Variants in ZNF586 observed in about 807,000 individuals in gnomAD.
ZNF586 encodes zinc finger protein 586.
ZNF586 carries 7 observed loss-of-function variants against 6.7 expected under a neutral mutation model. The ratio of observed to expected loss-of-function variants is 1.04; its 90% CI spans 0.59 to 1.95. ZNF586 has a LOEUF of 1.95. Ranked by LOEUF, ZNF586 falls within the 30% of genes most tolerant of loss-of-function variation. ZNF586 has a pLI of 0.00. For synonymous variants in ZNF586, 166 were observed against 168.7 expected (o/e 0.98, Z 0.12); for missense variants, 442 against 489.6 (o/e 0.90, Z 0.92).
In ZNF586 at chr19:57,778,974, A is replaced by G; in HGVS notation, c.387A>G (p.Lys129=). 1 of 1,614,078 alleles carries G rather than the reference A, an allele frequency of 6.2e-7. No homozygotes were observed. The highest frequency in any genetic ancestry group is 8.5e-7 in the Non-Finnish European group (1 of 1,180,028). The change falls in exon 3 of 3, where the codon AAA becomes AAG. Residue 129 remains lysine, a synonymous_variant. Coordinates refer to ENST00000396154, the MANE Select transcript of ZNF586 (RefSeq NM_017652.4). ...CTTATGAGTGCAGCAAATATGGGAA[A>G]TTATTTCACCAAAAGCCTACACTCC... ...ERPYECSKYG[K]LFHQKPTLHI... is the part of the protein sequence containing the mutation.
In ZNF586 at chr19:57,779,150, C is replaced by T; in HGVS notation, c.563C>T (p.Ala188Val). 1 of 1,612,370 alleles carries T rather than the reference C, an allele frequency of 6.2e-7. No homozygotes were observed. The highest frequency in any genetic ancestry group is 8.5e-7 in the Non-Finnish European group (1 of 1,179,620). ...TGTATTGAATGTGGGAAAGCCTTTG[C>T]TGAAAAGTCCAGTCTCATTAACCAC... ...YECIECGKAF[A>V]EKSSLINHRK... is the part of the protein sequence containing the mutation. Residue 188 changes from alanine (A) to valine (V), a missense_variant, in exon 3 of 3, where the codon GCT becomes GTT. Physicochemically the swap from Ala to Val is moderately conservative, Grantham distance 64 (BLOSUM62 0). Transcript: ENST00000396154.
chr19:57,771,604 G>A (rs895118718), intron 1 of ZNF586, among the ~76,000 whole-genome samples: 27 of 152,164 alleles, frequency 1.8e-4, no homozygotes, highest in African/African-American at 6.3e-4. Flanking sequence ...ATACTGGGGT[G>A]TGCAAATACT....
intron 1 of ZNF586, among the ~76,000 whole-genome samples, chr19:57,770,808 G>A (rs1020951839): frequency 6.6e-6 from 1 of 151,908 alleles, no homozygotes; most frequent in Non-Finnish European, 1.5e-5. Flanking sequence ...GGATGCTCTA[G>A]TCCTTCACTG....
rs764388902 is a variant in ZNF586, at chr19:57,779,380, GTT to G, written c.794_795del (p.Val265GlyfsTer21). 1 of 1,597,150 alleles carries G rather than the reference GTT, an allele frequency of 6.3e-7. No individual in the cohort carries two copies. The highest frequency in any genetic ancestry group is 8.5e-7 in the Non-Finnish European group (1 of 1,174,516). ...VHTGERPYEC[V>X]ECGKSFRRSS... Reference sequence around the variant, plus strand: ...CACAGGAGAAAGGCCTTATGAATGCGTTGAGTGTGGAAAATCATTTCGCCGAA... The same window carrying G: ...CACAGGAGAAAGGCCTTATGAATGCGGAGTGTGGAAAATCATTTCGCCGAA... On this transcript the variant is annotated frameshift_variant, in exon 3 of 3. Transcript: ENST00000396154. LOFTEE classifies it low-confidence loss of function (END_TRUNC).
chr19:57,769,868 C>A lies in ZNF586; in HGVS notation c.26C>A (p.Ala9Glu). ...ATGGCGGCAGCAGCCGCTCTGAGGG[C>A]GCCTGCTCAGGTGAGCGCTGCGACC... MAAAAALR[A>E]PAQSSVTFED... Residue 9 changes from alanine (A) to glutamate (E), a missense_variant, in exon 1 of 3, where the codon GCG (alanine) becomes GAG (glutamate). Ala to Glu is a moderately radical substitution (Grantham distance 107). Transcript: ENST00000396154. 1.3e-6 allele frequency: 2 copies of A among 1,543,280 alleles called. No homozygotes were observed. Among genetic ancestry groups the A allele is most frequent in the East Asian group, 5.0e-5 (2 of 40,146 alleles).
At chr19:57,778,606 C>T (rs911119476) in intron 2 of ZNF586, 145 bp from the exon 3 acceptor site, 40 of 668,394 alleles carry the variant, frequency 6.0e-5, no homozygotes, top group Non-Finnish European at 8.3e-5. Context: ...TAATGCTAAG[C>T]AGCCCCAACC....
chr19:57,778,978 T>C lies in ZNF586; in HGVS notation c.391T>C (p.Phe131Leu), dbSNP rs370524318. The C allele has an allele frequency of 9.9e-6, 16 of 1,614,090 alleles. No homozygotes were observed. The African/African-American group carries it at 2.1e-4, about 22-fold the overall frequency. Residue 131 changes from phenylalanine (F) to leucine (L), a missense_variant, in exon 3 of 3, where the codon TTT becomes CTT. Coordinates refer to ENST00000396154, the MANE Select transcript of ZNF586 (RefSeq NM_017652.4). ...PYECSKYGKLFHQKPTLHIHE... is the reference protein window; with the variant it reads ...PYECSKYGKLLHQKPTLHIHE... ...TGAGTGCAGCAAATATGGGAAATTA[T>C]TTCACCAAAAGCCTACACTCCATAT...
chr19:57,770,411 C>G (rs968285569), intron 1 of ZNF586, among the ~76,000 whole-genome samples: 1 of 152,128 alleles, frequency 6.6e-6, no homozygotes, highest in Non-Finnish European at 1.5e-5. Context: ...AGGCGTGAGC[C>G]ACCGCGCCTG....
intron 1 of ZNF586, chr19:57,774,685 CAG>C: frequency 1.1e-6 from 1 of 926,532 alleles, no homozygotes; most frequent in Middle Eastern, 5.5e-4. Context: ...TGGAGGGCGT[CAG>C]AATGATTTGG....
chr19:57,769,962 C>A (rs1193804997), intron 1 of ZNF586, 84 bp downstream of exon 1: 1 of 1,258,680 alleles, frequency 7.9e-7, no homozygotes, highest in Non-Finnish European at 1.1e-6. Flanking sequence ...CTCCTCGCGT[C>A]CCTGCAGCCC....
At position 57,780,013 on chromosome 19, in the gene ZNF586, T is replaced by A. The variant is rs1485300945; in HGVS notation, c.*217T>A. 1.9e-6 allele frequency: 1 copy of A among 538,478 alleles called. No individual in the cohort carries two copies. The highest frequency in any genetic ancestry group is 3.2e-6 in the Non-Finnish European group (1 of 308,558). 33.4% of individuals were successfully genotyped at this position (538,478 alleles called of 1,614,324 possible). A position where few individuals can be genotyped will look rare whatever the true frequency, so the allele number is the denominator to read the frequency against. On this transcript the variant is annotated 3_prime_UTR_variant, in exon 3 of 3. Coordinates refer to ENST00000396154, the MANE Select transcript of ZNF586 (RefSeq NM_017652.4). ...CCCTCTCTCATTGGTTACCACAATA[T>A]TTACATGAGGAAAATACCACAGATG...
At chr19:57,778,604 A>T (rs944615652) in intron 2 of ZNF586, 147 bp from the exon 3 acceptor site, 2 of 665,876 alleles carry the variant, frequency 3.0e-6, no homozygotes, top group Non-Finnish European at 5.0e-6. Flanking sequence ...GATAATGCTA[A>T]GCAGCCCCAA....
At position 57,779,462 on chromosome 19, in the gene ZNF586, G is replaced by A. The variant is rs758065687; in HGVS notation, c.875G>A (p.Cys292Tyr). 3.1e-6 allele frequency: 5 copies of A among 1,614,138 alleles called. No homozygotes were observed. In the South Asian group the frequency reaches 5.5e-5, roughly 18 times the overall value. The change falls in exon 3 of 3, where the codon TGT (cysteine) becomes TAT (tyrosine). Residue 292 changes from cysteine to tyrosine, a missense_variant. Cys to Tyr is a radical substitution (Grantham distance 194). Transcript: ENST00000396154. The part of the protein sequence containing the change: ...RVHTRERPYE[C>Y]SECGKSFSLR... ...CACACTAGAGAAAGGCCTTATGAAT[G>A]TAGTGAATGTGGGAAATCCTTTAGC...
rs1264822084 is a variant in ZNF586, at chr19:57,778,765, G to A, written c.178G>A (p.Gly60Arg). ...LISSLGCWHG[G>R]EDEAAPSKQS... Reference sequence around the variant, plus strand: ...TTTGCTTTTAGGTTGTTGGCATGGAGGGGAAGATGAGGCAGCACCTTCTAA... The same window carrying A: ...TTTGCTTTTAGGTTGTTGGCATGGAAGGGAAGATGAGGCAGCACCTTCTAA... The change falls in exon 3 of 3, where the codon GGG (glycine) becomes AGG (arginine). Residue 60 changes from glycine (G) to arginine (R), a missense_variant. Transcript: ENST00000396154. The A allele has an allele frequency of 6.2e-7, 1 of 1,605,242 alleles. No individual in the cohort carries two copies. The highest frequency in any genetic ancestry group is 1.3e-5 in the African/African-American group (1 of 74,640).
At chr19:57,771,620 A>C (rs749468092) in intron 1 of ZNF586, among the ~76,000 whole-genome samples, 4 of 152,172 alleles carry the variant, frequency 2.6e-5, no homozygotes, top group Admixed American at 1.3e-4. Context: ...ATACTTACTT[A>C]GAAGTGAAAC....
chr19:57,771,335 G>C (rs1158151728), intron 1 of ZNF586, among the ~76,000 whole-genome samples: 1 of 150,240 alleles, frequency 6.7e-6, no homozygotes, highest in African/African-American at 2.4e-5. Flanking sequence ...GAGAGATGGG[G>C]TTTCGCCATG....
chr19:57,777,339 G>T (rs1259447458), intron 2 of ZNF586, among the ~76,000 whole-genome samples: 1 of 152,082 alleles, frequency 6.6e-6, no homozygotes, highest in Non-Finnish European at 1.5e-5. Context: ...ACATTATCGA[G>T]TTTCCATGTA....
intron 2 of ZNF586, among the ~76,000 whole-genome samples, chr19:57,777,927 T>G (rs1347323161): frequency 1.3e-5 from 2 of 150,658 alleles, no homozygotes; most frequent in East Asian, 2.0e-4. Flanking sequence ...GGCTAATTTT[T>G]GGGGTATTTT....
At position 57,776,774 on chromosome 19, in the gene ZNF586, G is replaced by T; in HGVS notation, c.163+105G>T. On this transcript the variant is annotated intron_variant, in intron 2 of 2. Coordinates refer to ENST00000396154, the MANE Select transcript of ZNF586 (RefSeq NM_017652.4). ...ACCATGGACACAGCTTCATTCTCCA[G>T]TTCTCTGGAGAGGTTCTGTTGTTGG... The T allele has an allele frequency of 2.3e-6, 3 of 1,332,600 alleles. No individual in the cohort carries two copies. The Admixed American group carries it at 7.1e-5, about 32-fold the overall frequency. The allele number at this position is 1,332,600 out of a possible 1,614,324, so 82.5% of individuals were successfully genotyped here.
Sources: allele counts gnomAD v4.1 joint callset (sites outside exome capture counted in the v4.1 genomes callset), GRCh38; gene constraint gnomAD v4.1.1; transcripts MANE v1.5; gene names NCBI Gene and HGNC (gene_info 2026-07-23, HGNC 2026-07-21).